The following POLR3B variants were observed in gnomAD, a reference collection of about 807,000 sequenced individuals.
The protein encoded by POLR3B is DNA-directed RNA polymerase III subunit RPC2.
A neutral mutation model predicts 147.4 loss-of-function variants in POLR3B; 96 were observed. The ratio of observed to expected loss-of-function variants is 0.65; its 90% CI spans 0.55 to 0.77. The LOEUF is 0.77. POLR3B is among the 30% of genes least tolerant of loss of function. The pLI is 0.00. For missense variants in POLR3B, 1,036 were observed against 1,413.5 expected, an observed-to-expected ratio of 0.73 and a Z score of 4.28; for synonymous variants, 461 against 485.9, an observed-to-expected ratio of 0.95 and a Z score of 0.67.
At chr12:106,410,479 T>A (rs772947388) in intron 11 of POLR3B, 81 of 263,644 alleles carry the variant, frequency 3.1e-4, no homozygotes, top group Non-Finnish European at 5.5e-4. Flanking sequence ...TGGAATTGGC[T>A]GGTATCATTT....
chr12:106,505,741 A>G (rs916308043), intron 27 of POLR3B, among the ~76,000 whole-genome samples: 3 of 152,186 alleles, frequency 2.0e-5, no homozygotes, highest in Non-Finnish European at 4.4e-5. Flanking sequence ...GTTAGGCCCA[A>G]ATAGCATTCA....
Position 106,450,656 on chromosome 12 carries a change from C to T in POLR3B, c.2084-3846C>T, listed in dbSNP as rs183774900. ...TTAAGACCCCTATAAGATACTACTA[C>T]ACACTCAGAATGATTAAAATTAAAA... On this transcript the variant is annotated intron_variant, in intron 19 of 27. Coordinates refer to ENST00000228347, the MANE Select transcript of POLR3B (RefSeq NM_018082.6). Among the ~76,000 whole-genome samples, 659 of 152,242 alleles carry T rather than the reference C, an allele frequency of 4.3e-3. 6 individuals carry two copies. Among genetic ancestry groups the T allele is most frequent in the Non-Finnish European group, 7.2e-3 (493 of 68,012 alleles).
chr12:106,441,249 A>G (rs1223865495), intron 18 of POLR3B, among the ~76,000 whole-genome samples: 1 of 152,202 alleles, frequency 6.6e-6, no homozygotes, highest in Non-Finnish European at 1.5e-5. Flanking sequence ...ATATTTGTAT[A>G]CACAGTCTTA....
At chr12:106,457,422 C>G in intron 21 of POLR3B, 126 bp downstream of exon 21, 1 of 729,692 alleles carries the variant, frequency 1.4e-6, no homozygotes, top group Non-Finnish European at 2.4e-6. Context: ...CATCCAAACT[C>G]AACCAATGAG....
intron 18 of POLR3B, among the ~76,000 whole-genome samples, chr12:106,440,317 T>C (rs1035378910): frequency 6.6e-6 from 1 of 152,212 alleles, no homozygotes; most frequent in Non-Finnish European, 1.5e-5. Flanking sequence ...CCTGGATTTT[T>C]GCAAAGGCCT....
rs370616768 is a variant in POLR3B at position 106,360,217 on chromosome 12, A to G, written c.72+2266A>G. Among the ~76,000 whole-genome samples the G allele has an allele frequency of 5.3e-5, 8 of 152,328 alleles. No individual in the cohort carries two copies. In the East Asian group the frequency reaches 1.4e-3, roughly 26 times the overall value. On this transcript the variant is annotated intron_variant, in intron 1 of 27. Transcript: ENST00000228347. ...CAGCCAGAGCTGTCCGTTTAAACAC[A>G]CAAACATGGTTATGTTGCTCCCTTG...
intron 19 of POLR3B, among the ~76,000 whole-genome samples, chr12:106,445,617 TA>T (rs2037712269): frequency 1.3e-5 from 2 of 152,246 alleles, no homozygotes. Flanking sequence ...GTTTTACTTA[TA>T]AAGCTTTTTG....
At chr12:106,368,570 A>G (rs2036562407) in intron 4 of POLR3B, among the ~76,000 whole-genome samples, 1 of 152,146 alleles carries the variant, frequency 6.6e-6, no homozygotes, top group African/African-American at 2.4e-5. Context: ...CTATAAATAA[A>G]GTTTCAGAAT....
intron 10 of POLR3B, among the ~76,000 whole-genome samples, chr12:106,393,434 T>G (rs1166955255): frequency 6.6e-6 from 1 of 151,896 alleles, no homozygotes; most frequent in Non-Finnish European, 1.5e-5. Flanking sequence ...TTTTTTTTCC[T>G]TATTTGCCTG....
chr12:106,384,233 C>T (rs1263191972), intron 9 of POLR3B, among the ~76,000 whole-genome samples: 1 of 152,148 alleles, frequency 6.6e-6, no homozygotes, highest in Non-Finnish European at 1.5e-5. Context: ...ATGATATGTA[C>T]CTGTAGTTAC....
At chr12:106,498,907 A>G (rs1011921431) in intron 25 of POLR3B, among the ~76,000 whole-genome samples, 2 of 152,224 alleles carry the variant, frequency 1.3e-5, no homozygotes, top group Non-Finnish European at 2.9e-5. Flanking sequence ...CTTGAACACT[A>G]GTGAAACTCA....
intron 23 of POLR3B, among the ~76,000 whole-genome samples, chr12:106,478,045 A>G (rs751927448): frequency 1.3e-4 from 19 of 151,630 alleles, no homozygotes; most frequent in Non-Finnish European, 1.6e-4. Context: ...AGCTGGGACT[A>G]CAGGTGTGTA....
chr12:106,476,062 G>A (rs1278957983), intron 23 of POLR3B, among the ~76,000 whole-genome samples: 3 of 146,314 alleles, frequency 2.1e-5, no homozygotes, highest in Non-Finnish European at 4.5e-5. Flanking sequence ...GGCAGGCCTG[G>A]TGGTGACAAA....
In POLR3B at chr12:106,501,091, T is replaced by A. The variant is rs543213594; in HGVS notation, c.2985-232T>A. On this transcript the variant is annotated intron_variant, in intron 25 of 27. Coordinates refer to ENST00000228347, the MANE Select transcript of POLR3B (RefSeq NM_018082.6). ...GAAGGAGAGATCATCCCATACACAC[T>A]GTTTCCCAACCTGTTTAAATGTCTA... Among the ~76,000 whole-genome samples the A allele has an allele frequency of 2.6e-5, 4 of 152,352 alleles. No homozygotes were observed. The South Asian group carries it at 8.3e-4, about 32-fold the overall frequency.
Position 106,459,274 on chromosome 12 carries a change from G to A in POLR3B, c.2476G>A (p.Val826Met), listed in dbSNP as rs2037904925. The change falls in exon 22 of 28, where the codon GTG (valine) becomes ATG (methionine). Residue 826 changes from valine to methionine, a missense_variant. Val to Met is a conservative substitution (Grantham distance 21). Coordinates refer to ENST00000228347, the MANE Select transcript of POLR3B (RefSeq NM_018082.6). ...SPGEKVENKQ[V>M]LVNKSMPTVT... The stretch of plus-strand genomic sequence containing the variant: ...AGGTGAGAAAGTAGAAAACAAACAA[G>A]TGCTTGTAAATAAGTCCATGCCCAC... 6.2e-7 allele frequency: 1 copy of A among 1,603,936 alleles called. No individual in the cohort carries two copies. The highest frequency in any genetic ancestry group is 8.5e-7 in the Non-Finnish European group (1 of 1,170,812).
chr12:106,363,943 A>C, intron 2 of POLR3B, 41 bp downstream of exon 2: 1 of 1,452,700 alleles, frequency 6.9e-7, no homozygotes, highest in Non-Finnish European at 9.6e-7. Context: ...TATTTTTCAG[A>C]TGAAAAAGTC....
intron 25 of POLR3B, among the ~76,000 whole-genome samples, chr12:106,498,886 G>T (rs538319929): frequency 1.3e-5 from 2 of 152,156 alleles, no homozygotes; most frequent in Non-Finnish European, 2.9e-5. Flanking sequence ...ACGCCCTAAG[G>T]TTTTAAACCA....
At chr12:106,451,662 A>G (rs1366048906) in intron 19 of POLR3B, among the ~76,000 whole-genome samples, 8 of 139,578 alleles carry the variant, frequency 5.7e-5, no homozygotes, top group South Asian at 2.5e-4. Flanking sequence ...AGGGAAGGAG[A>G]GGGGAGGAAA....
At chr12:106,478,607 G>A (rs937350413) in intron 23 of POLR3B, among the ~76,000 whole-genome samples, 1 of 151,826 alleles carries the variant, frequency 6.6e-6, no homozygotes, top group Non-Finnish European at 1.5e-5. Context: ...TCAAATTTAT[G>A]TTAAAGATTG....
Sources: allele counts gnomAD v4.1 joint callset (sites outside exome capture counted in the v4.1 genomes callset), GRCh38; gene constraint gnomAD v4.1.1; transcripts MANE v1.5; gene names NCBI Gene and HGNC (gene_info 2026-07-23, HGNC 2026-07-21).